TEC: variants seen among roughly 807,000 people sequenced by gnomAD.
The protein encoded by TEC is tyrosine-protein kinase Tec.
TEC carries 72 observed loss-of-function variants against 93.0 expected under a neutral mutation model. The observed-to-expected ratio is 0.77, with a 90% confidence interval of 0.64 to 0.94. The LOEUF is 0.94. Among genes scored for constraint, TEC ranks in the 40% least tolerant of loss-of-function variants. The pLI is 0.00. For missense variants in TEC, 630 were observed against 757.9 expected (o/e 0.83, Z 1.98); for synonymous variants, 249 against 247.7 (o/e 1.01, Z -0.05).
chr4:48,149,646 G>C lies in TEC; in HGVS notation c.917C>G (p.Thr306Arg), dbSNP rs541078451. 1 of 1,612,258 alleles carries C rather than the reference G, an allele frequency of 6.2e-7. No individual in the cohort carries two copies. Among genetic ancestry groups the C allele is most frequent in the Non-Finnish European group, 8.5e-7 (1 of 1,179,406 alleles). ...TAGGTAATACTTCTTTGGAGATGTTGTTGTTTCCTTTATATGATAATGCCT... is the reference window on the plus strand; with the variant it reads ...TAGGTAATACTTCTTTGGAGATGTTCTTGTTTCCTTTATATGATAATGCCT... ...GFRHYHIKET[T>R]TSPKKYYLAE... is the part of the protein sequence containing the mutation. The change falls in exon 11 of 18, where the codon ACA becomes AGA. Residue 306 changes from threonine to arginine, a missense_variant. This residue lies in a region of TEC where 335 missense variants were observed against 351.5 expected (regional missense o/e 0.95). Coordinates refer to ENST00000381501, the MANE Select transcript of TEC (RefSeq NM_003215.3).
chr4:48,239,286 G>C (rs1488566340), intron 1 of TEC, among the ~76,000 whole-genome samples: 1 of 151,996 alleles, frequency 6.6e-6, no homozygotes, highest in Non-Finnish European at 1.5e-5. Flanking sequence ...TTCTAAATAT[G>C]AGGTAAACAT....
intron 2 of TEC, among the ~76,000 whole-genome samples, chr4:48,183,918 G>A (rs1721697265): frequency 6.6e-6 from 1 of 152,130 alleles, no homozygotes; most frequent in South Asian, 2.1e-4. Context: ...GCACTGAGAG[G>A]CTATGAGACT....
chr4:48,220,760 C>A (rs1177038333), intron 2 of TEC, among the ~76,000 whole-genome samples: 2 of 152,200 alleles, frequency 1.3e-5, no homozygotes, highest in Non-Finnish European at 2.9e-5. Flanking sequence ...GCACTTCTGA[C>A]ACCAAATATG....
At chr4:48,169,064 G>A (rs1161149068) in intron 5 of TEC, among the ~76,000 whole-genome samples, 1 of 152,082 alleles carries the variant, frequency 6.6e-6, no homozygotes, top group Non-Finnish European at 1.5e-5. Flanking sequence ...TGTGGCAATG[G>A]GACCAAATTC....
chr4:48,180,376 T>A (rs1043204288), intron 2 of TEC, among the ~76,000 whole-genome samples: 2 of 151,980 alleles, frequency 1.3e-5, no homozygotes, highest in Non-Finnish European at 2.9e-5. Context: ...AGTTTCAAAG[T>A]TATGAAAGGA....
At chr4:48,263,787 G>C (rs1008636011) in intron 1 of TEC, among the ~76,000 whole-genome samples, 2 of 152,160 alleles carry the variant, frequency 1.3e-5, no homozygotes, top group Admixed American at 1.3e-4. Context: ...CTAAGATATA[G>C]GTTTTGCCCC....
chr4:48,196,692 G>C (rs1406412722), intron 2 of TEC, among the ~76,000 whole-genome samples: 1 of 151,850 alleles, frequency 6.6e-6, no homozygotes, highest in Non-Finnish European at 1.5e-5. Flanking sequence ...TAAAAGCCAT[G>C]AATGAGATGT....
intron 15 of TEC, among the ~76,000 whole-genome samples, chr4:48,140,712 C>T (rs1276182652): frequency 1.3e-5 from 2 of 152,096 alleles, no homozygotes; most frequent in Non-Finnish European, 2.9e-5. Flanking sequence ...TTTTACATGT[C>T]ATAATATTCT....
At chr4:48,182,681 G>T (rs1374553417) in intron 2 of TEC, among the ~76,000 whole-genome samples, 1 of 152,036 alleles carries the variant, frequency 6.6e-6, no homozygotes, top group Admixed American at 6.6e-5. Context: ...AATATAACTT[G>T]CTTTAAACTA....
intron 12 of TEC, 106 bp from the exon 13 acceptor site, chr4:48,145,685 G>T: frequency 8.5e-7 from 1 of 1,176,122 alleles, no homozygotes; most frequent in Non-Finnish European, 1.2e-6. Context: ...AAAATTACAG[G>T]ATAACACTGT....
chr4:48,204,590 C>T (rs1222942654), intron 2 of TEC, among the ~76,000 whole-genome samples: 1 of 152,166 alleles, frequency 6.6e-6, no homozygotes, highest in African/African-American at 2.4e-5. Flanking sequence ...CGCTTTTTGG[C>T]ACCAGGGAAT....
chr4:48,256,222 T>C (rs1724338663), intron 1 of TEC, among the ~76,000 whole-genome samples: 1 of 152,010 alleles, frequency 6.6e-6, no homozygotes, highest in Non-Finnish European at 1.5e-5. Flanking sequence ...AACAATGCCA[T>C]GGGACCAACT....
At chr4:48,267,760 A>G (rs531740742) in intron 1 of TEC, among the ~76,000 whole-genome samples, 17 of 152,296 alleles carry the variant, frequency 1.1e-4, no homozygotes, top group Non-Finnish European at 1.5e-4. Flanking sequence ...ATCAACACTC[A>G]TGCTGACTCT....
intron 2 of TEC, among the ~76,000 whole-genome samples, chr4:48,184,770 T>TACACACACACACACACAC (rs58704241): frequency 7.1e-6 from 1 of 140,942 alleles, no homozygotes; most frequent in Non-Finnish European, 1.6e-5. Context: ...ACAAAAAAAA[T>TACACACACACACACACAC]ACACACACAC....
At chr4:48,151,800 T>C (rs1021984867) in intron 9 of TEC, among the ~76,000 whole-genome samples, 1 of 152,204 alleles carries the variant, frequency 6.6e-6, no homozygotes, top group Non-Finnish European at 1.5e-5. Flanking sequence ...TATCAGCCTT[T>C]ACAAAAGGAG....
chr4:48,255,212 C>T lies in TEC; in HGVS notation c.-46+14540G>A, dbSNP rs567573801. Among the ~76,000 whole-genome samples, 32 of 152,296 alleles carry T rather than the reference C, an allele frequency of 2.1e-4. No individual in the cohort carries two copies. In the South Asian group the frequency reaches 6.0e-3, roughly 29 times the overall value. ...CCGTGCAGTGCTGCTTCTCACTGCACGGTCCCATTCTCTTGTATTGCGGCT... is the reference window on the plus strand; with the variant it reads ...CCGTGCAGTGCTGCTTCTCACTGCATGGTCCCATTCTCTTGTATTGCGGCT... On this transcript the variant is annotated intron_variant, in intron 1 of 17. Transcript: ENST00000381501.
intron 2 of TEC, 93 bp from the exon 3 acceptor site, chr4:48,176,279 T>C: frequency 4.6e-6 from 4 of 873,094 alleles, no homozygotes; most frequent in Non-Finnish European, 7.2e-6. Context: ...TGATTCAAAA[T>C]ATTGCAATTT....
chr4:48,164,863 C>A (rs1261539812), intron 7 of TEC, among the ~76,000 whole-genome samples: 1 of 151,962 alleles, frequency 6.6e-6, no homozygotes, highest in Non-Finnish European at 1.5e-5. Context: ...ATTAGCTGGG[C>A]GTGGTGGAAC....
In TEC at chr4:48,145,439, C is replaced by T; in HGVS notation, c.1222G>A (p.Glu408Lys). Residue 408 changes from glutamate to lysine, a missense_variant, in exon 13 of 18, where the codon GAG becomes AAG. By Grantham distance (56) the Glu-to-Lys change is moderately conservative. This residue lies in a region of TEC where 289 missense variants were observed against 390.0 expected (regional missense o/e 0.74). Transcript: ENST00000381501. Reference protein sequence around the residue: ...KAIREGAMCEEDFIEEAKVMM... With the variant: ...KAIREGAMCEKDFIEEAKVMM... ...ACTTTAGCTTCTTCTATAAAGTCCT[C>T]CTCGCACATTGCACCTTCCCGAATA... 1 of 1,614,152 alleles carries T rather than the reference C, an allele frequency of 6.2e-7. No homozygotes were observed. The highest frequency in any genetic ancestry group is 8.5e-7 in the Non-Finnish European group (1 of 1,180,038).
Sources: gnomAD v4.1 joint callset for allele counts (sites outside exome capture counted in the v4.1 genomes callset) on GRCh38, gnomAD v4.1.1 for gene constraint, gnomAD v4.1.1 regional missense constraint, MANE v1.5 for transcripts, NCBI Gene and HGNC (gene_info 2026-07-23, HGNC 2026-07-21) for gene names.